The following ITFG1 variants were observed in gnomAD, a reference collection of about 807,000 sequenced individuals.
ITFG1 encodes the protein T-cell immunomodulatory protein.
A neutral mutation model predicts 81.8 loss-of-function variants in ITFG1; 34 were observed. The observed-to-expected ratio is 0.42, with a 90% CI of 0.32 to 0.55. The LOEUF (loss-of-function observed/expected upper bound fraction) is 0.55. Ranked by LOEUF, ITFG1 falls within the 20% of genes least tolerant of loss-of-function variation. The probability of loss-of-function intolerance (pLI) is 0.17; values close to 1 mark genes in which losing one functional copy is unlikely to be tolerated. For synonymous variants in ITFG1, 285 were observed against 270.6 expected (o/e 1.05, Z -0.52); for missense variants, 672 against 755.4 (o/e 0.89, Z 1.29).
rs571200156 is a variant in ITFG1, at chr16:47,245,877, G to A, written c.1331-7869C>T. On this transcript the variant is annotated intron_variant, in intron 12 of 17. Coordinates refer to ENST00000320640, the MANE Select transcript of ITFG1 (RefSeq NM_030790.5). Reference sequence around the variant, plus strand: ...GAGGAAACTGAAGAACTGAAGATTCGGACCATACTCACGGTCACAAGGTGA... The same window carrying A: ...GAGGAAACTGAAGAACTGAAGATTCAGACCATACTCACGGTCACAAGGTGA... 9.9e-5 allele frequency among the ~76,000 whole-genome samples: 15 copies of A among 150,800 alleles called. No individual in the cohort carries two copies. In the East Asian group the frequency reaches 1.9e-3, roughly 20 times the overall value.
At chr16:47,447,999 G>A (rs1471806602) in intron 5 of ITFG1, 1 of 152,170 alleles carries the variant, frequency 6.6e-6, no homozygotes, top group African/African-American at 2.4e-5. Flanking sequence ...GGATGAGAGG[G>A]AGGGTGCTGC....
chr16:47,411,093 C>T (rs1968805063), intron 6 of ITFG1, among the ~76,000 whole-genome samples: 1 of 152,194 alleles, frequency 6.6e-6, no homozygotes. Context: ...GTGGACAAAG[C>T]TGCAGGTTCA....
At chr16:47,293,268 A>G (rs1966935729) in intron 10 of ITFG1, among the ~76,000 whole-genome samples, 1 of 150,448 alleles carries the variant, frequency 6.6e-6, no homozygotes. Context: ...TTATGAACTT[A>G]GGTTGATTAC....
intron 6 of ITFG1, among the ~76,000 whole-genome samples, chr16:47,380,102 G>A (rs908380611): frequency 5.2e-4 from 78 of 151,238 alleles, no homozygotes; most frequent in African/African-American, 1.8e-3. Flanking sequence ...AAAGGGCAAG[G>A]AGGACTTTGA....
chr16:47,291,599 T>C (rs1179332406), intron 10 of ITFG1, among the ~76,000 whole-genome samples: 1 of 152,214 alleles, frequency 6.6e-6, no homozygotes, highest in Non-Finnish European at 1.5e-5. Flanking sequence ...TGCCTATTGA[T>C]GTAACTTAAG....
intron 16 of ITFG1, among the ~76,000 whole-genome samples, chr16:47,160,307 T>G (rs1245959086): frequency 2.0e-5 from 3 of 152,120 alleles, no homozygotes; most frequent in Non-Finnish European, 4.4e-5. Context: ...AACATGTATG[T>G]ATAGATGGCT....
At chr16:47,346,565 T>C (rs1337452446) in intron 8 of ITFG1, among the ~76,000 whole-genome samples, 2 of 152,016 alleles carry the variant, frequency 1.3e-5, no homozygotes, top group Admixed American at 6.6e-5. Context: ...ATACTTAAAA[T>C]CAGAGAAGAA....
chr16:47,458,034 CT>C (rs954066907), intron 2 of ITFG1, among the ~76,000 whole-genome samples: 5 of 152,198 alleles, frequency 3.3e-5, no homozygotes, highest in African/African-American at 1.2e-4. Context: ...CACACAGGGA[CT>C]TTTTAAATAC....
intron 12 of ITFG1, among the ~76,000 whole-genome samples, chr16:47,247,107 A>G (rs1966010562): frequency 6.6e-6 from 1 of 152,140 alleles, no homozygotes; most frequent in African/African-American, 2.4e-5. Context: ...AGAAAAAAAG[A>G]GGACACCCAC....
intron 6 of ITFG1, among the ~76,000 whole-genome samples, chr16:47,399,777 C>G (rs894136670): frequency 2.6e-5 from 4 of 152,064 alleles, no homozygotes; most frequent in African/African-American, 9.7e-5. Flanking sequence ...TTACCTTTTT[C>G]TAATATTTTC....
chr16:47,424,259 G>A (rs1968990401), intron 6 of ITFG1, among the ~76,000 whole-genome samples: 1 of 152,142 alleles, frequency 6.6e-6, no homozygotes, highest in African/African-American at 2.4e-5. Flanking sequence ...AAGTTCTCAT[G>A]CCATGGTTTT....
intron 7 of ITFG1, among the ~76,000 whole-genome samples, chr16:47,372,435 T>C (rs1042558634): frequency 6.6e-6 from 1 of 151,840 alleles, no homozygotes; most frequent in Non-Finnish European, 1.5e-5. Flanking sequence ...AGTTACTTCT[T>C]TCGTCTTTTC....
At chr16:47,271,736 G>A (rs12920194) in intron 10 of ITFG1, among the ~76,000 whole-genome samples, 33,220 of 152,088 alleles carry the variant, frequency 0.22, 4,566 homozygotes, top group Non-Finnish European at 0.32. Context: ...GTGGGCGCCT[G>A]TAGTCCCAGC....
chr16:47,400,457 T>TACACACACACACAC (rs111375193), intron 6 of ITFG1, among the ~76,000 whole-genome samples: 4 of 136,964 alleles, frequency 2.9e-5, no homozygotes, highest in African/African-American at 1.1e-4. Flanking sequence ...AGAGTCACTT[T>TACACACACACACAC]ACACACACAC....
At chr16:47,343,546 A>C (rs1174879080) in intron 8 of ITFG1, among the ~76,000 whole-genome samples, 1 of 152,122 alleles carries the variant, frequency 6.6e-6, no homozygotes, top group Non-Finnish European at 1.5e-5. Flanking sequence ...TAGGTAAAGA[A>C]CTTGAATTAA....
At chr16:47,418,867 C>G (rs1282121166) in intron 6 of ITFG1, among the ~76,000 whole-genome samples, 2 of 152,246 alleles carry the variant, frequency 1.3e-5, no homozygotes, top group South Asian at 4.1e-4. Flanking sequence ...ATTGTTATGA[C>G]TACTCAGTAT....
chr16:47,295,746 C>A (rs1326934956), intron 10 of ITFG1, among the ~76,000 whole-genome samples: 1 of 152,138 alleles, frequency 6.6e-6, no homozygotes, highest in Non-Finnish European at 1.5e-5. Flanking sequence ...ACATTTTCAA[C>A]AACCAACTTT....
chr16:47,179,638 T>TA (rs1965077451), intron 14 of ITFG1, among the ~76,000 whole-genome samples: 2 of 146,834 alleles, frequency 1.4e-5, no homozygotes, highest in Non-Finnish European at 2.9e-5. Flanking sequence ...TTGTTTTTAT[T>TA]TAAAAAAAAA....
At chr16:47,383,385 C>T (rs1968419324) in intron 6 of ITFG1, among the ~76,000 whole-genome samples, 1 of 152,230 alleles carries the variant, frequency 6.6e-6, no homozygotes, top group African/African-American at 2.4e-5. Flanking sequence ...AATCAGTCTG[C>T]AATAATTTGG....
Sources: allele counts gnomAD v4.1 joint callset (sites outside exome capture counted in the v4.1 genomes callset), GRCh38; gene constraint gnomAD v4.1.1; transcripts MANE v1.5; gene names NCBI Gene and HGNC (gene_info 2026-07-23, HGNC 2026-07-21).